SEC31A: variants seen among roughly 807,000 people sequenced by gnomAD.
The protein encoded by SEC31A is SEC31 homolog A, COPII component, also known as protein transport protein Sec31A.
In SEC31A, 70 loss-of-function variants were observed where a neutral mutation model predicts 151.0. The ratio of observed to expected loss-of-function variants is 0.46; its 90% CI spans 0.38 to 0.57. SEC31A has a LOEUF of 0.57. SEC31A is among the 20% of genes least tolerant of loss of function. The pLI, the probability that SEC31A is intolerant of heterozygous loss-of-function variation, is 0.00. For synonymous variants in SEC31A, 475 were observed against 505.9 expected (o/e 0.94, Z 0.82); for missense variants, 1,330 against 1,471.2 (o/e 0.90, Z 1.57).
rs548220035 is a variant in SEC31A, at chr4:82,883,106, C to T, written c.-4-1166G>A. On this transcript the variant is annotated intron_variant, in intron 1 of 26. Transcript: ENST00000395310. ...CTGCACTCCAGCCTGGGCAACAGAG[C>T]GAGACTCGGTCTCAAAAAAAAAGTT... Among the ~76,000 whole-genome samples, 176 of 152,014 alleles carry T rather than the reference C, an allele frequency of 1.2e-3. 2 individuals are homozygous for T. The highest frequency in any genetic ancestry group is 4.0e-3 in the African/African-American group (164 of 41,446).
chr4:82,850,176 A>C (rs1052535936), intron 19 of SEC31A, among the ~76,000 whole-genome samples: 1 of 152,176 alleles, frequency 6.6e-6, no homozygotes, highest in Admixed American at 6.5e-5. Context: ...ATGGTACTGA[A>C]AATGAATTAA....
intron 14 of SEC31A, among the ~76,000 whole-genome samples, chr4:82,858,588 C>A (rs1733307594): frequency 7.2e-6 from 1 of 139,144 alleles, no homozygotes; most frequent in African/African-American, 2.6e-5. Context: ...ATTAAATAAA[C>A]TAACATGTAC....
chr4:82,863,563 T>G (rs920621753), intron 11 of SEC31A, among the ~76,000 whole-genome samples, 171 bp from the exon 12 acceptor site: 3 of 152,090 alleles, frequency 2.0e-5, no homozygotes, highest in Admixed American at 1.3e-4. Context: ...GTTTTTTATT[T>G]GGAGACCCAG....
At chr4:82,860,157 T>G (rs533930166) in intron 14 of SEC31A, among the ~76,000 whole-genome samples, 1 of 152,254 alleles carries the variant, frequency 6.6e-6, no homozygotes, top group East Asian at 1.9e-4. Context: ...TCCTTATTTA[T>G]GGACTTCTGA....
intron 25 of SEC31A, among the ~76,000 whole-genome samples, chr4:82,823,424 A>AAG (rs1274307457): frequency 1.3e-5 from 2 of 152,208 alleles, no homozygotes; most frequent in Non-Finnish European, 2.9e-5. Flanking sequence ...GTCAGGCACT[A>AAG]AGGTTTATGT....
chr4:82,841,442 T>TTTTATATATATATA (rs1281196101), intron 22 of SEC31A, among the ~76,000 whole-genome samples: 42 of 64,450 alleles, frequency 6.5e-4, no homozygotes, highest in Non-Finnish European at 1.3e-3. Flanking sequence ...AAAAAAAATT[T>TTTTATATATATATA]TATATATATA....
rs540230530 is a variant in SEC31A at position 82,853,690 on chromosome 4, A to C, written c.2034T>G (p.Asn678Lys). The stretch of plus-strand genomic sequence containing the variant: ...GAGTCTGCAGGAGGCTATCTCCTTC[A>C]TTTTCAAGCCTGGTTCCCAAAAGAT... ...LCDLLGTRLE[N>K]EGDSLLQTQA... The change falls in exon 18 of 27, where the codon AAT (asparagine) becomes AAG (lysine). Residue 678 changes from asparagine to lysine, a missense_variant. Asn to Lys is a moderately conservative substitution (Grantham distance 94, BLOSUM62 0). Transcript: ENST00000395310. 6.2e-7 allele frequency: 1 copy of C among 1,601,286 alleles called. No homozygotes were observed. The highest frequency in any genetic ancestry group is 1.1e-5 in the South Asian group (1 of 87,884).
Position 82,824,681 on chromosome 4 carries a change from G to A in SEC31A, c.3292-7C>T, listed in dbSNP as rs1212414242. The A allele has an allele frequency of 2.5e-6, 4 of 1,612,900 alleles. No individual in the cohort carries two copies. The highest frequency in any genetic ancestry group is 2.5e-6 in the Non-Finnish European group (3 of 1,179,712). On this transcript the variant is annotated splice_region_variant and splice_polypyrimidine_tract_variant and intron_variant, in intron 24 of 26. Coordinates refer to ENST00000395310, the MANE Select transcript of SEC31A (RefSeq NM_001077207.4). The stretch of plus-strand genomic sequence containing the variant: ...TTGGCAAAGACTGCACATGCTGGAA[G>A]AAACACACCAAAAACTGATCAGAAA...
chr4:82,863,312 GT>G lies in SEC31A; in HGVS notation c.1509+5del. The G allele has an allele frequency of 6.5e-7, 1 of 1,546,518 alleles. No homozygotes were observed. On this transcript the variant is annotated splice_donor_5th_base_variant and intron_variant, in intron 12 of 26. Transcript: ENST00000395310. ...AGCATGCCATCTAACTTTCCCAAAA[GT>G]TTACCTTCTTTCCTAGATCTTCTTT...
At chr4:82,856,634 C>T (rs1732729168) in intron 16 of SEC31A, among the ~76,000 whole-genome samples, 1 of 151,792 alleles carries the variant, frequency 6.6e-6, no homozygotes, top group African/African-American at 2.4e-5. Context: ...GCCTGTAATC[C>T]CAGCTACTTG....
Position 82,828,990 on chromosome 4 carries a change from T to G in SEC31A, c.3027+10A>C, listed in dbSNP as rs1278059817. The G allele has an allele frequency of 3.7e-6, 6 of 1,612,042 alleles. No homozygotes were observed. Among genetic ancestry groups the G allele is most frequent in the African/African-American group, 1.3e-5 (1 of 74,882 alleles). On this transcript the variant is annotated intron_variant, in intron 23 of 26. Coordinates refer to ENST00000395310, the MANE Select transcript of SEC31A (RefSeq NM_001077207.4). ...CTGTAGGCCATTGGATGGACATCTT[T>G]TTCTAGTACCTTCTTCTTTTTGGGT...
Position 82,823,349 on chromosome 4 carries a change from G to A in SEC31A, c.3411+1206C>T, listed in dbSNP as rs116777773. On this transcript the variant is annotated intron_variant, in intron 25 of 26. Coordinates refer to ENST00000395310, the MANE Select transcript of SEC31A (RefSeq NM_001077207.4). ...TAGAAGTGTGCATAAGGGCTAGCATGTATCTGGTTATCAGCTTCGTCTGCT... is the reference window on the plus strand; with the variant it reads ...TAGAAGTGTGCATAAGGGCTAGCATATATCTGGTTATCAGCTTCGTCTGCT... Among the ~76,000 whole-genome samples, 896 of 152,318 alleles carry A rather than the reference G, an allele frequency of 5.9e-3. 8 individuals are homozygous for A. Among genetic ancestry groups the A allele is most frequent in the African/African-American group, 0.02 (851 of 41,562 alleles).
chr4:82,880,876 G>T lies in SEC31A; in HGVS notation c.126C>A (p.Ser42=). 1 of 1,611,416 alleles carries T rather than the reference G, an allele frequency of 6.2e-7. No individual in the cohort carries two copies. Among genetic ancestry groups the T allele is most frequent in the Middle Eastern group, 1.7e-4 (1 of 6,058 alleles). ...QLDATFSTNA[S]LEIFELDLSD... ...AGAGGTCTAATTCAAATATCTCAAG[G>T]GAAGCATTCGTACTAAATGTTGCAT... is the stretch of plus-strand genomic sequence containing the variant. Residue 42 remains serine, a synonymous_variant, in exon 3 of 27, where the codon TCC becomes TCA. Transcript: ENST00000395310.
At chr4:82,841,465 T>TATATAC (rs200595591) in intron 22 of SEC31A, among the ~76,000 whole-genome samples, 4 of 103,218 alleles carry the variant, frequency 3.9e-5, no homozygotes, top group African/African-American at 1.4e-4. Context: ...TATATATATA[T>TATATAC]ATACACACAC....
At position 82,876,362 on chromosome 4, in the gene SEC31A, G is replaced by A. The variant is rs547739985; in HGVS notation, c.403-540C>T. On this transcript the variant is annotated intron_variant, in intron 4 of 26. Transcript: ENST00000395310. ...TGACCTCAGGTGATCCACCTGCCTC[G>A]GCCTCCCAAAGTGCTGGGATTACAG... Among the ~76,000 whole-genome samples, 371 of 152,118 alleles carry A rather than the reference G, an allele frequency of 2.4e-3. 1 individual carries two copies. Among genetic ancestry groups the A allele is most frequent in the African/African-American group, 8.6e-3 (356 of 41,498 alleles).
At chr4:82,873,139 T>C (rs574539014) in intron 6 of SEC31A, among the ~76,000 whole-genome samples, 9 of 152,162 alleles carry the variant, frequency 5.9e-5, no homozygotes, top group Admixed American at 4.6e-4. Context: ...GGCGGGTGGA[T>C]CATGAGGTCA....
At chr4:82,873,492 A>G (rs1560651895) in intron 6 of SEC31A, among the ~76,000 whole-genome samples, 1 of 152,350 alleles carries the variant, frequency 6.6e-6, no homozygotes, top group East Asian at 1.9e-4. Flanking sequence ...CATATGGAAT[A>G]AATTAACATT....
At chr4:82,886,967 C>G (rs1257697595) in intron 1 of SEC31A, among the ~76,000 whole-genome samples, 1 of 152,046 alleles carries the variant, frequency 6.6e-6, no homozygotes, top group African/African-American at 2.4e-5. Flanking sequence ...AGGAGATATA[C>G]AGAAAGTTTT....
intron 16 of SEC31A, among the ~76,000 whole-genome samples, chr4:82,855,722 A>G (rs1463788683): frequency 2.0e-5 from 3 of 152,298 alleles, no homozygotes; most frequent in Non-Finnish European, 2.9e-5. Flanking sequence ...TCTCACTTAC[A>G]AATAGGAGCT....
Sources: gnomAD v4.1 joint callset for allele counts (sites outside exome capture counted in the v4.1 genomes callset) on GRCh38, gnomAD v4.1.1 for gene constraint, MANE v1.5 for transcripts, NCBI Gene and HGNC (gene_info 2026-07-23, HGNC 2026-07-21) for gene names.